PCCB: variants seen among roughly 807,000 people sequenced by gnomAD.
PCCB encodes the protein propionyl-CoA carboxylase subunit beta, also known as propionyl-CoA carboxylase beta chain, mitochondrial.
In PCCB, 43 loss-of-function variants were observed where a neutral mutation model predicts 60.7. The ratio of observed to expected loss-of-function variants is 0.71; its 90% CI spans 0.55 to 0.91. The LOEUF (loss-of-function observed/expected upper bound fraction) is 0.91, where lower values mean the gene tolerates loss of function less well. PCCB is among the 40% of genes least tolerant of loss of function. The pLI is 0.00. For missense variants in PCCB, 766 were observed against 702.8 expected (o/e 1.09, Z -1.02); for synonymous variants, 276 against 255.9 (o/e 1.08, Z -0.75).
chr3:136,253,096 T>TG (rs1941565201), intron 1 of PCCB, among the ~76,000 whole-genome samples: 4 of 141,908 alleles, frequency 2.8e-5, no homozygotes, highest in African/African-American at 7.9e-5. Context: ...TTTTTTTTTT[T>TG]TTTTTTTTTT....
At position 136,264,407 on chromosome 3, in the gene PCCB, TTCTG is replaced by T. The variant is rs1433596632; in HGVS notation, c.543+2346_543+2349del. Among the ~76,000 whole-genome samples the T allele has an allele frequency of 4.7e-5, 7 of 149,614 alleles. No individual in the cohort carries two copies. The East Asian group carries it at 7.7e-4, about 16-fold the overall frequency. On this transcript the variant is annotated intron_variant, in intron 5 of 14. Transcript: ENST00000251654. Reference sequence around the variant, plus strand: ...CTTTCTATGTGCGCGCTCTCGCTCTTTCTGTCTCTGTCTCTCATATATATGTGTG... The same window carrying T: ...CTTTCTATGTGCGCGCTCTCGCTCTTTCTCTGTCTCTCATATATATGTGTG...
intron 3 of PCCB, chr3:136,259,199 G>T: frequency 2.1e-6 from 3 of 1,433,998 alleles, no homozygotes; most frequent in Non-Finnish European, 2.8e-6. Flanking sequence ...GGGCACAGTG[G>T]CTCCCGCTTG....
At chr3:136,298,831 G>T (rs1444572406) in intron 8 of PCCB, among the ~76,000 whole-genome samples, 1 of 152,198 alleles carries the variant, frequency 6.6e-6, no homozygotes, top group Admixed American at 6.5e-5. Context: ...ATTTGAAATT[G>T]TATTGTTTGG....
In PCCB at chr3:136,256,348, G is replaced by C. The variant is rs909827593; in HGVS notation, c.304-207G>C. 6 of 611,980 alleles carry C rather than the reference G, an allele frequency of 9.8e-6. No individual in the cohort carries two copies. In the African/African-American group the frequency reaches 1.1e-4, roughly 11 times the overall value. The allele number at this position is 611,980 out of a possible 1,614,324, so 37.9% of individuals were successfully genotyped here. On this transcript the variant is annotated intron_variant, in intron 2 of 14. Coordinates refer to ENST00000251654, the MANE Select transcript of PCCB (RefSeq NM_000532.5). ...GGTACATAAGGCCTAAGATGACAGT[G>C]CCATTCACTCCTATTGATGAAGTAG... is the stretch of plus-strand genomic sequence containing the variant.
At chr3:136,311,679 G>GCC (rs1934672774) in intron 9 of PCCB, among the ~76,000 whole-genome samples, 1 of 152,088 alleles carries the variant, frequency 6.6e-6, no homozygotes, top group South Asian at 2.1e-4. Context: ...TCAAAAGTAG[G>GCC]CCAGGCATGG....
chr3:136,254,406 G>C (rs1941607897), intron 1 of PCCB, among the ~76,000 whole-genome samples: 1 of 148,900 alleles, frequency 6.7e-6, no homozygotes, highest in Non-Finnish European at 1.5e-5. Context: ...ATTTTTAGTA[G>C]AGATAGGGTT....
chr3:136,263,051 C>T (rs1941869807), intron 5 of PCCB, among the ~76,000 whole-genome samples: 1 of 148,328 alleles, frequency 6.7e-6, no homozygotes, highest in Non-Finnish European at 1.5e-5. Context: ...GCCTCCTGGG[C>T]TCAAGTGATT....
chr3:136,293,781 G>T lies in PCCB; in HGVS notation c.680G>T (p.Gly227Val). ...GACACCTCCTACCTGTTCATCACTG[G>T]CCCTGATGTTGTGAAGTCTGTCACC... ...VKDTSYLFIT[G>V]PDVVKSVTNE... is the part of the protein sequence containing the mutation. The change falls in exon 7 of 15, where the codon GGC becomes GTC. Residue 227 changes from glycine (G) to valine (V), a missense_variant. By Grantham distance (109) the Gly-to-Val change is moderately radical. Transcript: ENST00000251654. The T allele has an allele frequency of 6.2e-7, 1 of 1,612,476 alleles. No homozygotes were observed. The highest frequency in any genetic ancestry group is 8.5e-7 in the Non-Finnish European group (1 of 1,178,612).
chr3:136,252,659 C>A (rs144658129), intron 1 of PCCB, among the ~76,000 whole-genome samples: 6 of 144,712 alleles, frequency 4.1e-5, no homozygotes, highest in African/African-American at 1.3e-4. Context: ...TCCTACCCAG[C>A]TAATTTTTTT....
intron 14 of PCCB, among the ~76,000 whole-genome samples, chr3:136,329,281 T>C (rs767470931): frequency 9.9e-5 from 15 of 152,214 alleles, no homozygotes; most frequent in Non-Finnish European, 2.2e-4. Context: ...GACCGGGGCT[T>C]GACAGTCCAA....
chr3:136,279,131 T>G lies in PCCB; in HGVS notation c.544-4706T>G, dbSNP rs184456104. Among the ~76,000 whole-genome samples, 197 of 152,340 alleles carry G rather than the reference T, an allele frequency of 1.3e-3. 3 individuals are homozygous for G. The highest frequency in any genetic ancestry group is 0.012 in the Admixed American group (188 of 15,306). On this transcript the variant is annotated intron_variant, in intron 5 of 14. Transcript: ENST00000251654. ...CACCTAGGGTCTATTTTGGTTACCC[T>G]TTGCATGGAATATTTTTTTCCATCC...
At chr3:136,269,595 G>A (rs954987309) in intron 5 of PCCB, among the ~76,000 whole-genome samples, 6 of 151,860 alleles carry the variant, frequency 4.0e-5, no homozygotes, top group African/African-American at 1.5e-4. Context: ...GGTAAGAGTG[G>A]ACATCCTTGG....
intron 5 of PCCB, among the ~76,000 whole-genome samples, chr3:136,268,114 A>G (rs1479744515): frequency 7.7e-5 from 10 of 129,664 alleles, no homozygotes; most frequent in Admixed American, 3.1e-4. Context: ...ATATATATAT[A>G]TATATATGTA....
chr3:136,276,726 G>A (rs1942340790), intron 5 of PCCB, among the ~76,000 whole-genome samples: 2 of 152,178 alleles, frequency 1.3e-5, no homozygotes, highest in Non-Finnish European at 1.5e-5. Context: ...TGGGAGAGAA[G>A]ATACCTTCTC....
At chr3:136,319,155 A>G (rs1331463740) in intron 10 of PCCB, among the ~76,000 whole-genome samples, 1 of 152,158 alleles carries the variant, frequency 6.6e-6, no homozygotes, top group East Asian at 1.9e-4. Context: ...TTTCTCATCA[A>G]CATTAGTCTT....
chr3:136,308,175 A>G (rs1327654791), intron 9 of PCCB, among the ~76,000 whole-genome samples: 1 of 151,544 alleles, frequency 6.6e-6, no homozygotes, highest in Non-Finnish European at 1.5e-5. Context: ...TAACAGCAGT[A>G]TTTGTGACAC....
At chr3:136,253,988 G>A (rs951928165) in intron 1 of PCCB, among the ~76,000 whole-genome samples, 4 of 151,904 alleles carry the variant, frequency 2.6e-5, no homozygotes, top group African/African-American at 7.3e-5. Flanking sequence ...ATGTTGCCAA[G>A]TTGGTTTCCT....
At position 136,317,646 on chromosome 3, in the gene PCCB, T is replaced by C. The variant is rs560119913; in HGVS notation, c.1090+582T>C. Among the ~76,000 whole-genome samples, 3 of 152,302 alleles carry C rather than the reference T, an allele frequency of 2.0e-5. No individual in the cohort carries two copies. In the South Asian group the frequency reaches 6.2e-4, roughly 32 times the overall value. On this transcript the variant is annotated intron_variant, in intron 10 of 14. Coordinates refer to ENST00000251654, the MANE Select transcript of PCCB (RefSeq NM_000532.5). ...CAATTTTTTAGGGGTCAGTTTTCTG[T>C]TCCCCCCTACCCCCAGCTAAATATA... is the stretch of plus-strand genomic sequence containing the variant.
chr3:136,309,371 A>T (rs1373056118), intron 9 of PCCB, among the ~76,000 whole-genome samples: 1 of 152,204 alleles, frequency 6.6e-6, no homozygotes, highest in Admixed American at 6.5e-5. Context: ...TTTAATAAGG[A>T]TAAATGCAGA....
Sources: gnomAD v4.1 joint callset for allele counts (sites outside exome capture counted in the v4.1 genomes callset) on GRCh38, gnomAD v4.1.1 for gene constraint, MANE v1.5 for transcripts, NCBI Gene and HGNC (gene_info 2026-07-23, HGNC 2026-07-21) for gene names.